Variants in TRIM44 observed in about 807,000 individuals in gnomAD.
TRIM44 encodes tripartite motif containing 44.
In TRIM44, 13 loss-of-function variants were observed where a neutral mutation model predicts 37.4. The ratio of observed to expected loss-of-function variants is 0.35; its 90% confidence interval spans 0.23 to 0.55. The LOEUF is 0.55. Among genes scored for constraint, TRIM44 ranks in the 20% least tolerant of loss-of-function variants. The probability of loss-of-function intolerance (pLI) is 0.89; values close to 1 mark genes in which losing one functional copy is unlikely to be tolerated. For missense variants in TRIM44, 426 were observed against 437.2 expected (o/e 0.97, Z 0.23); for synonymous variants, 175 against 157.2 (o/e 1.11, Z -0.85).
chr11:35,802,972 A>C (rs1819914218), intron 4 of TRIM44, among the ~76,000 whole-genome samples: 2 of 152,176 alleles, frequency 1.3e-5, no homozygotes, highest in South Asian at 4.1e-4. Flanking sequence ...AGGAGGAGGC[A>C]GGTTTTTATT....
At chr11:35,770,635 T>C (rs1852855499) in intron 4 of TRIM44, among the ~76,000 whole-genome samples, 1 of 152,228 alleles carries the variant, frequency 6.6e-6, no homozygotes, top group South Asian at 2.1e-4. Flanking sequence ...TGCATTTCTC[T>C]GAGGATTAGT....
At chr11:35,793,414 A>G (rs1283503452) in intron 4 of TRIM44, among the ~76,000 whole-genome samples, 1 of 151,986 alleles carries the variant, frequency 6.6e-6, no homozygotes, top group Admixed American at 6.6e-5. Flanking sequence ...AATCCCAGCT[A>G]CTCAGGAGGC....
chr11:35,804,125 A>G (rs963108712), intron 4 of TRIM44, among the ~76,000 whole-genome samples: 2 of 152,200 alleles, frequency 1.3e-5, no homozygotes, highest in Admixed American at 1.3e-4. Flanking sequence ...CATGGTTGAC[A>G]GTCAACAAAT....
Position 35,667,864 on chromosome 11 carries a change from T to C in TRIM44, c.669+4084T>C, listed in dbSNP as rs533359103. 1.4e-3 allele frequency among the ~76,000 whole-genome samples: 210 copies of C among 152,356 alleles called. 1 individual carries two copies. Among genetic ancestry groups the C allele is most frequent in the Non-Finnish European group, 1.7e-3 (119 of 68,038 alleles). On this transcript the variant is annotated intron_variant, in intron 1 of 4. Transcript: ENST00000299413. ...GCCTTATGTTTTTGGATTTGGCTTATTAATAATTTATGTAGTTTTTTTTCA... is the reference window on the plus strand; with the variant it reads ...GCCTTATGTTTTTGGATTTGGCTTACTAATAATTTATGTAGTTTTTTTTCA...
intron 1 of TRIM44, among the ~76,000 whole-genome samples, chr11:35,668,399 T>TTGTTCCCCACAATGTGTTCATA (rs1851354929): frequency 6.6e-6 from 1 of 152,188 alleles, no homozygotes; most frequent in Non-Finnish European, 1.5e-5. Flanking sequence ...CCAGTGTATG[T>TTGTTCCCCACAATGTGTTCATA]TGTTCCCCAC....
chr11:35,695,936 TG>T (rs1851692339), intron 2 of TRIM44, among the ~76,000 whole-genome samples: 2 of 151,714 alleles, frequency 1.3e-5, no homozygotes, highest in South Asian at 4.2e-4. Context: ...ATGTCAAATC[TG>T]TAATCTGTTT....
At chr11:35,668,499 G>A (rs1851356037) in intron 1 of TRIM44, among the ~76,000 whole-genome samples, 1 of 152,200 alleles carries the variant, frequency 6.6e-6, no homozygotes, top group Non-Finnish European at 1.5e-5. Flanking sequence ...GTTTGCTGAG[G>A]ATAATGGCTT....
chr11:35,716,629 G>C (rs1344769973), intron 2 of TRIM44, among the ~76,000 whole-genome samples: 1 of 152,082 alleles, frequency 6.6e-6, no homozygotes, highest in African/African-American at 2.4e-5. Flanking sequence ...ATTTTTCCTT[G>C]AGGTAGTAGT....
intron 4 of TRIM44, among the ~76,000 whole-genome samples, chr11:35,745,824 G>A (rs1288788060): frequency 1.3e-5 from 2 of 151,970 alleles, no homozygotes; most frequent in East Asian, 3.9e-4. Context: ...AGATGTGGGA[G>A]GAAACCAGAG....
intron 4 of TRIM44, among the ~76,000 whole-genome samples, chr11:35,776,373 G>A (rs886203492): frequency 4.6e-5 from 7 of 151,898 alleles, no homozygotes; most frequent in East Asian, 3.9e-4. Context: ...TCTTTCTAGC[G>A]GTCTATCAAT....
intron 2 of TRIM44, among the ~76,000 whole-genome samples, chr11:35,710,930 A>G (rs1851962499): frequency 6.6e-6 from 1 of 152,234 alleles, no homozygotes; most frequent in African/African-American, 2.4e-5. Context: ...AGTTACTGAC[A>G]GAAGTTATTC....
chr11:35,732,842 A>C (rs1852279847), intron 3 of TRIM44, among the ~76,000 whole-genome samples: 1 of 152,194 alleles, frequency 6.6e-6, no homozygotes, highest in Non-Finnish European at 1.5e-5. Context: ...CAACCTATTC[A>C]AAACGGCTTT....
intron 4 of TRIM44, among the ~76,000 whole-genome samples, chr11:35,754,467 A>T (rs1590570873): frequency 6.6e-6 from 1 of 152,104 alleles, no homozygotes. Flanking sequence ...CTCTTCTTCC[A>T]TGAATCCGTC....
rs59413888 is a variant in TRIM44 at position 35,725,066 on chromosome 11, TCACACACACACACACACA to T, written c.748-836_748-819del. The stretch of plus-strand genomic sequence containing the variant: ...GGTTAACTAGGAGACATGCACACAC[TCACACACACACACACACA>T]CACACACACACACACACACACCCTC... On this transcript the variant is annotated intron_variant, in intron 2 of 4. Coordinates refer to ENST00000299413, the MANE Select transcript of TRIM44 (RefSeq NM_017583.6). Among the ~76,000 whole-genome samples the T allele has an allele frequency of 5.7e-5, 8 of 141,164 alleles. No individual in the cohort carries two copies. The East Asian group carries it at 8.1e-4, about 14-fold the overall frequency. 92.6% of individuals were successfully genotyped at this position (141,164 alleles called of 152,430 possible). A position where few individuals can be genotyped will look rare whatever the true frequency, so the allele number is the denominator to read the frequency against.
intron 4 of TRIM44, among the ~76,000 whole-genome samples, chr11:35,767,748 A>T (rs923587592): frequency 9.8e-5 from 15 of 152,298 alleles, no homozygotes; most frequent in African/African-American, 3.4e-4. Flanking sequence ...TTTTTAGTGG[A>T]TATGACCTTG....
At chr11:35,772,506 C>T (rs1011127065) in intron 4 of TRIM44, among the ~76,000 whole-genome samples, 7 of 152,224 alleles carry the variant, frequency 4.6e-5, no homozygotes, top group African/African-American at 1.7e-4. Context: ...CAGAGCTGCC[C>T]AAGACCATGG....
At chr11:35,770,616 G>A (rs1178203956) in intron 4 of TRIM44, among the ~76,000 whole-genome samples, 1 of 152,082 alleles carries the variant, frequency 6.6e-6, no homozygotes, top group African/African-American at 2.4e-5. Context: ...TCTCATTGTG[G>A]TTTTGACTTG....
At chr11:35,738,459 G>A (rs1041527599) in intron 4 of TRIM44, among the ~76,000 whole-genome samples, 1 of 152,036 alleles carries the variant, frequency 6.6e-6, no homozygotes, top group Non-Finnish European at 1.5e-5. Context: ...ATCCCTTTTT[G>A]GTACAATAAG....
In TRIM44 at chr11:35,753,494, G is replaced by A. The variant is rs963554553; in HGVS notation, c.1007+18049G>A. ...AGCCATATGGTTTCCACATGGCTGT[G>A]GGAAATAATGCTTATGGATCATAAT... On this transcript the variant is annotated intron_variant, in intron 4 of 4. Coordinates refer to ENST00000299413, the MANE Select transcript of TRIM44 (RefSeq NM_017583.6). 2.0e-5 allele frequency among the ~76,000 whole-genome samples: 3 copies of A among 152,160 alleles called. No homozygotes were observed. In the East Asian group the frequency reaches 5.8e-4, roughly 29 times the overall value.
Sources: allele counts gnomAD v4.1 joint callset (sites outside exome capture counted in the v4.1 genomes callset), GRCh38; gene constraint gnomAD v4.1.1; transcripts MANE v1.5; gene names NCBI Gene and HGNC (gene_info 2026-07-23, HGNC 2026-07-21).